The following TFEC variants were observed in gnomAD, a reference collection of about 807,000 sequenced individuals.
The protein encoded by TFEC is class E basic helix-loop-helix protein 34.
TFEC carries 31 observed loss-of-function variants against 41.6 expected under a neutral mutation model. The observed-to-expected ratio is 0.74, with a 90% CI of 0.56 to 1.01. TFEC has a LOEUF of 1.01. Among genes scored for constraint, TFEC ranks in the 50% least tolerant of loss-of-function variants. The pLI, the probability that TFEC is intolerant of heterozygous loss-of-function variation, is 0.00. For synonymous variants in TFEC, 143 were observed against 140.6 expected (o/e 1.02, Z -0.12); for missense variants, 402 against 404.1 (o/e 0.99, Z 0.04).
chr7:116,157,463 T>A, intron 1 of TFEC: 1 of 152,280 alleles, frequency 6.6e-6, no homozygotes, highest in African/African-American at 2.4e-5. Context: ...GCATATAGAA[T>A]AACACAATAA....
At chr7:116,063,806 T>C (rs1281971166) in intron 3 of TFEC, among the ~76,000 whole-genome samples, 1 of 152,238 alleles carries the variant, frequency 6.6e-6, no homozygotes, top group Non-Finnish European at 1.5e-5. Flanking sequence ...TAGCATTACA[T>C]TGGGTAAACA....
intron 2 of TFEC, among the ~76,000 whole-genome samples, chr7:115,979,255 G>A (rs1793519778): frequency 6.6e-6 from 1 of 152,054 alleles, no homozygotes; most frequent in African/African-American, 2.4e-5. Context: ...TGTTTAACAT[G>A]GAGTACTAGC....
intron 3 of TFEC, 34 bp downstream of exon 3, chr7:115,974,136 T>C: frequency 6.5e-7 from 1 of 1,534,848 alleles, no homozygotes; most frequent in Non-Finnish European, 8.8e-7. Flanking sequence ...TTCATTTCTG[T>C]TTCAATGACC....
upstream of TFEC, among the ~76,000 whole-genome samples, chr7:116,033,343 C>G (rs1795833097): frequency 2.6e-5 from 4 of 152,090 alleles, no homozygotes; most frequent in South Asian, 8.3e-4. Flanking sequence ...GGTTAAAATA[C>G]TTCACTTCTC....
chr7:115,945,617 A>G (rs1791490077), intron 6 of TFEC, among the ~76,000 whole-genome samples: 1 of 151,838 alleles, frequency 6.6e-6, no homozygotes, highest in Non-Finnish European at 1.5e-5. Context: ...GACATATTCA[A>G]CATCTAATTA....
At chr7:115,995,899 C>T (rs942985746) in intron 1 of TFEC, among the ~76,000 whole-genome samples, 6 of 152,154 alleles carry the variant, frequency 3.9e-5, no homozygotes, top group South Asian at 2.1e-4. Context: ...CAGCCCTACC[C>T]GGAGGGGAAT....
At chr7:115,974,119 G>A (rs1224817245) in intron 3 of TFEC, 51 bp downstream of exon 3, 4 of 1,403,118 alleles carry the variant, frequency 2.9e-6, no homozygotes, top group African/African-American at 3.0e-5. Flanking sequence ...TTTATTATCA[G>A]AGTGTATTCA....
intron 3 of TFEC, among the ~76,000 whole-genome samples, chr7:116,052,344 T>C (rs946402774): frequency 6.6e-6 from 1 of 152,152 alleles, no homozygotes; most frequent in Non-Finnish European, 1.5e-5. Flanking sequence ...TATTCTCAAA[T>C]ACAACATATT....
At chr7:116,132,071 T>C (rs1798343305) in intron 1 of TFEC, among the ~76,000 whole-genome samples, 1 of 152,238 alleles carries the variant, frequency 6.6e-6, no homozygotes, top group Non-Finnish European at 1.5e-5. Flanking sequence ...GTTGGCTTTT[T>C]TTCTTTCCAT....
chr7:116,009,548 C>A (rs1173710820), intron 1 of TFEC, among the ~76,000 whole-genome samples: 2 of 151,980 alleles, frequency 1.3e-5, no homozygotes, highest in African/African-American at 2.4e-5. Context: ...ACAGATATAA[C>A]CCACTCTTCA....
chr7:116,078,411 G>A (rs1487657664), intron 3 of TFEC, among the ~76,000 whole-genome samples: 1 of 151,858 alleles, frequency 6.6e-6, no homozygotes, highest in Non-Finnish European at 1.5e-5. Context: ...TATTTGAAAA[G>A]ATAAATAAAA....
intron 1 of TFEC, among the ~76,000 whole-genome samples, chr7:116,152,418 A>C (rs926552743): frequency 2.1e-4 from 32 of 152,212 alleles, no homozygotes; most frequent in African/African-American, 7.5e-4. Flanking sequence ...AGTTTACCAA[A>C]GTAAAAAGAG....
intron 1 of TFEC, among the ~76,000 whole-genome samples, chr7:116,144,111 A>T (rs1798594505): frequency 6.6e-6 from 1 of 151,958 alleles, no homozygotes; most frequent in African/African-American, 2.4e-5. Context: ...CCAGCTACTC[A>T]GGAGGCTGAG....
At chr7:116,144,859 C>A (rs1404291998) in intron 1 of TFEC, among the ~76,000 whole-genome samples, 1 of 152,128 alleles carries the variant, frequency 6.6e-6, no homozygotes, top group Non-Finnish European at 1.5e-5. Context: ...TTCAAGACTG[C>A]AACATCAGTT....
intron 1 of TFEC, among the ~76,000 whole-genome samples, chr7:115,998,364 C>G (rs916094223): frequency 2.0e-5 from 3 of 151,556 alleles, no homozygotes; most frequent in Non-Finnish European, 4.4e-5. Flanking sequence ...AAACATACCA[C>G]CAGAGAAAAC....
intron 3 of TFEC, among the ~76,000 whole-genome samples, chr7:116,089,065 A>G (rs1335655679): frequency 6.6e-6 from 1 of 152,120 alleles, no homozygotes; most frequent in Non-Finnish European, 1.5e-5. Context: ...CATTATCACC[A>G]TGCCACTGTT....
intron 3 of TFEC, among the ~76,000 whole-genome samples, chr7:116,038,650 T>C (rs1005524483): frequency 6.6e-6 from 1 of 152,038 alleles, no homozygotes; most frequent in Non-Finnish European, 1.5e-5. Flanking sequence ...CTTCTTCCTT[T>C]GTAATGTTAG....
chr7:116,143,015 G>A (rs993436594), intron 1 of TFEC, among the ~76,000 whole-genome samples: 7 of 152,166 alleles, frequency 4.6e-5, no homozygotes, highest in Admixed American at 6.5e-5. Flanking sequence ...GCAGTTAGGC[G>A]TCACCCTGTG....
intron 2 of TFEC, among the ~76,000 whole-genome samples, chr7:115,976,656 AC>A (rs1455309734): frequency 2.6e-5 from 4 of 152,154 alleles, no homozygotes; most frequent in Non-Finnish European, 4.4e-5. Context: ...TTGTTATTAA[AC>A]TTGAATTTTT....
Sources: allele counts gnomAD v4.1 joint callset (sites outside exome capture counted in the v4.1 genomes callset), GRCh38; gene constraint gnomAD v4.1.1; transcripts MANE v1.5; gene names NCBI Gene and HGNC (gene_info 2026-07-23, HGNC 2026-07-21).